TBC1D20: variants seen among roughly 807,000 people sequenced by gnomAD.
The protein encoded by TBC1D20 is chromosome 20 open reading frame 140.
In TBC1D20, 12 loss-of-function variants were observed where a neutral mutation model predicts 41.6. The observed-to-expected ratio is 0.29, with a 90% CI of 0.18 to 0.47. The LOEUF (loss-of-function observed/expected upper bound fraction) is 0.47. Ranked by LOEUF, TBC1D20 falls within the 20% of genes least tolerant of loss-of-function variation. The pLI is 1.00. For missense variants in TBC1D20, 421 were observed against 517.4 expected (o/e 0.81, Z 1.81); for synonymous variants, 205 against 204.8 (o/e 1.00, Z -0.01).
rs2017244153 is a variant in TBC1D20, at chr20:442,049, G to A, written c.338-6C>T. 3 of 1,606,478 alleles carry A rather than the reference G, an allele frequency of 1.9e-6. No homozygotes were observed. The African/African-American group carries it at 4.0e-5, about 21-fold the overall frequency. ...TCTCTGTTCCTCTGGCATGCCTGGG[G>A]ACAGGAACAGAGATGCCTTTGAACA... On this transcript the variant is annotated splice_region_variant and splice_polypyrimidine_tract_variant and intron_variant, in intron 3 of 7. Transcript: ENST00000354200.
In TBC1D20 at chr20:437,631, G is replaced by A. The variant is rs1470676230; in HGVS notation, c.*955C>T. On this transcript the variant is annotated 3_prime_UTR_variant, in exon 8 of 8. Transcript: ENST00000354200. ...GGAGTAGGATGATTTGAGGAAAACAGGAAGAAAAACCGGTCAGAAAGTGGC... is the reference window on the plus strand; with the variant it reads ...GGAGTAGGATGATTTGAGGAAAACAAGAAGAAAAACCGGTCAGAAAGTGGC... 2 of 152,982 alleles carry A rather than the reference G, an allele frequency of 1.3e-5. No homozygotes were observed. Among genetic ancestry groups the A allele is most frequent in the Non-Finnish European group, 2.9e-5 (2 of 68,038 alleles). 9.5% of individuals were successfully genotyped at this position (152,982 alleles called of 1,614,324 possible).
Position 438,419 on chromosome 20 carries a change from G to A in TBC1D20, c.*167C>T, listed in dbSNP as rs1354345088. On this transcript the variant is annotated 3_prime_UTR_variant, in exon 8 of 8. Transcript: ENST00000354200. ...GTCCCCTCTGTGTCAGGTAGGCTCT[G>A]CTACTGGCCTCTGAAGTAAAGGCAA... 2.4e-5 allele frequency: 18 copies of A among 750,356 alleles called. No homozygotes were observed. The East Asian group carries it at 4.2e-4, about 17-fold the overall frequency. 46.5% of individuals were successfully genotyped at this position (750,356 alleles called of 1,614,324 possible). A position where few individuals can be genotyped will look rare whatever the true frequency, so the allele number is the denominator to read the frequency against.
rs758273697 is a variant in TBC1D20, at chr20:438,245, T to A, written c.*341A>T. On this transcript the variant is annotated 3_prime_UTR_variant, in exon 8 of 8. Transcript: ENST00000354200. ...CACCTTCTATGGGGTGACTAGGAGG[T>A]TCCCGGTAACTAGGGCAGCCCAGGC... 7.3e-4 allele frequency: 195 copies of A among 267,422 alleles called. No homozygotes were observed. The highest frequency in any genetic ancestry group is 5.1e-4 in the Non-Finnish European group (70 of 138,024). The allele number at this position is 267,422 out of a possible 1,614,324, so 16.6% of individuals were successfully genotyped here. A position where few individuals can be genotyped will look rare whatever the true frequency, so the allele number is the denominator to read the frequency against.
At chr20:441,118 T>C (rs776814491) in intron 5 of TBC1D20, 2 of 155,538 alleles carry the variant, frequency 1.3e-5, no homozygotes, top group Non-Finnish European at 2.8e-5. Flanking sequence ...GCCATTACCT[T>C]TTAAAAAATT....
At chr20:454,782 G>A (rs1051948489) in intron 1 of TBC1D20, among the ~76,000 whole-genome samples, 3 of 151,652 alleles carry the variant, frequency 2.0e-5, no homozygotes, top group East Asian at 3.9e-4. Flanking sequence ...AACCATTCTC[G>A]GGCCTCAGCC....
At chr20:461,140 C>G (rs1307896291) in intron 1 of TBC1D20, among the ~76,000 whole-genome samples, 1 of 152,162 alleles carries the variant, frequency 6.6e-6, no homozygotes, top group Non-Finnish European at 1.5e-5. Context: ...GGCTCTGTTA[C>G]GGGCACCATC....
intron 5 of TBC1D20, 21 bp downstream of exon 5, chr20:441,567 G>C: frequency 1.3e-6 from 2 of 1,595,938 alleles, no homozygotes; most frequent in Non-Finnish European, 1.7e-6. Context: ...CATGCACACA[G>C]AAATGCAGAC....
intron 1 of TBC1D20, among the ~76,000 whole-genome samples, chr20:453,353 A>T (rs2017483552): frequency 6.7e-6 from 1 of 148,904 alleles, no homozygotes; most frequent in African/African-American, 2.5e-5. Context: ...GCATGCCTGT[A>T]ATCCCAGCTA....
At chr20:448,843 T>G (rs1014402345) in intron 1 of TBC1D20, among the ~76,000 whole-genome samples, 2 of 137,000 alleles carry the variant, frequency 1.5e-5, no homozygotes, top group Non-Finnish European at 3.1e-5. Flanking sequence ...TACACGTACT[T>G]TTTTTTTTTT....
Position 435,795 on chromosome 20 carries a change from G to A in TBC1D20, c.*2791C>T, listed in dbSNP as rs1431390665. ...AAAGCATAAGGTCTAAACCCAGCAA[G>A]GCCTGTCTGTCCAGATGCTTCTTGG... On this transcript the variant is annotated 3_prime_UTR_variant, in exon 8 of 8. Transcript: ENST00000354200. The A allele has an allele frequency of 1.3e-5, 2 of 153,290 alleles. No individual in the cohort carries two copies. Among genetic ancestry groups the A allele is most frequent in the Admixed American group, 1.3e-4 (2 of 15,294 alleles). The allele number at this position is 153,290 out of a possible 1,614,324, so 9.5% of individuals were successfully genotyped here.
Position 439,930 on chromosome 20 carries a change from G to A in TBC1D20, c.768+318C>T, listed in dbSNP as rs1260849003. Among the ~76,000 whole-genome samples the A allele has an allele frequency of 6.6e-6, 1 of 152,090 alleles. No homozygotes were observed. The highest frequency in any genetic ancestry group is 1.5e-5 in the Non-Finnish European group (1 of 68,038). On this transcript the variant is annotated intron_variant, in intron 6 of 7. Transcript: ENST00000354200. This position sits in a 1 kb window ranked among gnomAD's most constrained non-coding sequence, Gnocchi z 4.6. ...CTTACGCTACTATTTCCCTAATTGT[G>A]TTCATCAGCTGAACATATATTCCAG...
At chr20:447,352 T>TA (rs2017355635) in intron 2 of TBC1D20, among the ~76,000 whole-genome samples, 1 of 151,854 alleles carries the variant, frequency 6.6e-6, no homozygotes. Context: ...GCCAATATTT[T>TA]AATCCCTAAT....
chr20:457,585 G>A (rs1471747789), intron 1 of TBC1D20, among the ~76,000 whole-genome samples: 1 of 152,102 alleles, frequency 6.6e-6, no homozygotes, highest in Admixed American at 6.5e-5. Context: ...AGTACTCCAG[G>A]CAGAAGAGTT....
intron 1 of TBC1D20, among the ~76,000 whole-genome samples, chr20:460,991 G>C (rs115023794): frequency 0.012 from 1,821 of 152,146 alleles, 29 homozygotes; most frequent in African/African-American, 0.038. Context: ...GGTGCCAAAG[G>C]GTTCAGAGCT....
chr20:449,912 C>T (rs146567718), intron 1 of TBC1D20, among the ~76,000 whole-genome samples: 120 of 152,308 alleles, frequency 7.9e-4, no homozygotes, highest in Admixed American at 1.3e-3. Context: ...CTATAATAAA[C>T]GCTCAGTAAA....
chr20:457,609 T>A (rs2017564311), intron 1 of TBC1D20, among the ~76,000 whole-genome samples: 1 of 152,184 alleles, frequency 6.6e-6, no homozygotes, highest in African/African-American at 2.4e-5. Context: ...TGCAAAGACC[T>A]TGTCACATGA....
At chr20:459,336 A>T (rs1204203668) in intron 1 of TBC1D20, among the ~76,000 whole-genome samples, 1 of 152,252 alleles carries the variant, frequency 6.6e-6, no homozygotes, top group Non-Finnish European at 1.5e-5. Flanking sequence ...GGCTTGGAAT[A>T]AAAGCCCACA....
At position 462,324 on chromosome 20, in the gene TBC1D20, C is replaced by A. The variant is rs1355621389; in HGVS notation, c.70+12G>T. Reference sequence around the variant, plus strand: ...CGCAGGCCGCTCCCGGCGCCCCGGTCGGCTTCCGTACCTGCCTTCTCCGCG... The same window carrying A: ...CGCAGGCCGCTCCCGGCGCCCCGGTAGGCTTCCGTACCTGCCTTCTCCGCG... On this transcript the variant is annotated intron_variant, in intron 1 of 7. Transcript: ENST00000354200. 1 of 1,289,536 alleles carries A rather than the reference C, an allele frequency of 7.8e-7. No individual in the cohort carries two copies. The highest frequency in any genetic ancestry group is 2.0e-5 in the South Asian group (1 of 49,172). The allele number at this position is 1,289,536 out of a possible 1,614,324, so 79.9% of individuals were successfully genotyped here.
intron 3 of TBC1D20, among the ~76,000 whole-genome samples, chr20:442,959 G>C (rs1014538923): frequency 6.6e-6 from 1 of 152,132 alleles, no homozygotes; most frequent in Non-Finnish European, 1.5e-5. Context: ...AATTAGCTGG[G>C]CGTGGTGGCA....
Sources: allele counts gnomAD v4.1 joint callset (sites outside exome capture counted in the v4.1 genomes callset), GRCh38; gene constraint gnomAD v4.1.1; non-coding constraint Gnocchi (gnomAD v3.1); transcripts MANE v1.5; gene names NCBI Gene and HGNC (gene_info 2026-07-23, HGNC 2026-07-21).